The following ZNF500 variants were observed in gnomAD, a reference collection of about 807,000 sequenced individuals.
ZNF500 encodes the protein zinc finger protein 500, also known as zinc finger protein with KRAB and SCAN domains 18.
ZNF500 carries 31 observed loss-of-function variants against 30.1 expected under a neutral mutation model. That is an observed-to-expected ratio of 1.03 (90% CI 0.77 to 1.39). The LOEUF is 1.39. Among genes scored for constraint, ZNF500 ranks in the 40% most tolerant of loss-of-function variants. The probability of loss-of-function intolerance (pLI) is 0.00; values close to 1 mark genes in which losing one functional copy is unlikely to be tolerated. For missense variants in ZNF500, 817 were observed against 657.8 expected (o/e 1.24, Z -2.65); for synonymous variants, 392 against 282.0 (o/e 1.39, Z -3.91).
chr16:4,746,210 T>G (rs1416794403), downstream of ZNF500: 2 of 687,304 alleles, frequency 2.9e-6, no homozygotes, highest in East Asian at 2.8e-5. Flanking sequence ...AAATCTCGCA[T>G]GCTGTTCTGA....
At chr16:4,761,449 AAAAAC>A (rs1051604073) in intron 4 of ZNF500, among the ~76,000 whole-genome samples, 3 of 149,754 alleles carry the variant, frequency 2.0e-5, no homozygotes, top group East Asian at 3.9e-4. Flanking sequence ...TCAAAAAAAC[AAAAAC>A]AAAACAAAAC....
At chr16:4,765,368 T>A (rs916313336) in intron 2 of ZNF500, among the ~76,000 whole-genome samples, 197 bp downstream of exon 2, 1 of 152,036 alleles carries the variant, frequency 6.6e-6, no homozygotes, top group Non-Finnish European at 1.5e-5. Flanking sequence ...TAAAGGGCTA[T>A]TGGGGTAGGA....
downstream of ZNF500, chr16:4,744,980 C>G: frequency 1.2e-6 from 2 of 1,613,918 alleles, no homozygotes; most frequent in Non-Finnish European, 1.7e-6. Context: ...CGACACTCCC[C>G]AGGACACCAA....
At chr16:4,756,910 G>C (rs866609896) in intron 5 of ZNF500, among the ~76,000 whole-genome samples, 1 of 152,016 alleles carries the variant, frequency 6.6e-6, no homozygotes, top group Non-Finnish European at 1.5e-5. Flanking sequence ...TGAGCCTGGG[G>C]AGGTTGAAGC....
At chr16:4,765,522 G>T in intron 2 of ZNF500, 43 bp downstream of exon 2, 1 of 1,540,586 alleles carries the variant, frequency 6.5e-7, no homozygotes, top group Non-Finnish European at 8.7e-7. Context: ...CCCAGCAGCA[G>T]GGCCCCATTT....
intron 5 of ZNF500, among the ~76,000 whole-genome samples, chr16:4,755,948 C>A (rs527508426): frequency 6.6e-6 from 1 of 152,314 alleles, no homozygotes; most frequent in Admixed American, 6.5e-5. Flanking sequence ...AGAAGCCAGT[C>A]ACCAAGGGAC....
chr16:4,745,033 G>A (rs1012954123), downstream of ZNF500: 14 of 1,608,206 alleles, frequency 8.7e-6, no homozygotes, highest in Admixed American at 1.7e-5. Flanking sequence ...AGCCAGGCCC[G>A]GCTCCTGTGG....
At chr16:4,746,867 A>G (rs2082023543), downstream of ZNF500, 16 of 1,435,788 alleles carry the variant, frequency 1.1e-5, no homozygotes, top group Non-Finnish European at 1.5e-5. Flanking sequence ...TCAAGCCCCA[A>G]CAAGAGTTGG....
chr16:4,751,063 C>G lies in ZNF500; in HGVS notation c.*1313G>C, dbSNP rs1375456190. 1.3e-5 allele frequency: 2 copies of G among 155,308 alleles called. No homozygotes were observed. The highest frequency in any genetic ancestry group is 4.8e-5 in the African/African-American group (2 of 41,466). The allele number at this position is 155,308 out of a possible 1,614,324, so 9.6% of individuals were successfully genotyped here. A position where few individuals can be genotyped will look rare whatever the true frequency, so the allele number is the denominator to read the frequency against. On this transcript the variant is annotated 3_prime_UTR_variant, in exon 6 of 6. Transcript: ENST00000219478. ...CTAGGTGACAAATGCAATGGAGCAT[C>G]CCAGGCTGGGATGAAGGCCAAGGCC...
downstream of ZNF500, among the ~76,000 whole-genome samples, chr16:4,745,441 C>T (rs563932564): frequency 6.6e-6 from 1 of 152,306 alleles, no homozygotes; most frequent in Admixed American, 6.5e-5. Context: ...AGGGCAACAG[C>T]CACCTGTCCT....
chr16:4,763,121 G>A (rs1396888919), intron 2 of ZNF500: 1 of 985,320 alleles, frequency 1.0e-6, no homozygotes, highest in Non-Finnish European at 1.2e-6. Context: ...TATCTGGCCA[G>A]CTGCAATGGC....
At chr16:4,747,452 G>A (rs971576231), downstream of ZNF500, 2 of 1,613,070 alleles carry the variant, frequency 1.2e-6, no homozygotes, top group Admixed American at 1.7e-5. Context: ...GAGGGCTCAG[G>A]CCCCTGAAGA....
Position 4,751,462 on chromosome 16 carries a change from G to A in ZNF500, c.*914C>T. 9.7e-7 allele frequency: 1 copy of A among 1,033,620 alleles called. No homozygotes were observed. Among genetic ancestry groups the A allele is most frequent in the South Asian group, 1.7e-5 (1 of 59,218 alleles). The allele number at this position is 1,033,620 out of a possible 1,614,324, so 64.0% of individuals were successfully genotyped here. A position where few individuals can be genotyped will look rare whatever the true frequency, so the allele number is the denominator to read the frequency against. On this transcript the variant is annotated 3_prime_UTR_variant, in exon 6 of 6. Coordinates refer to ENST00000219478, the MANE Select transcript of ZNF500 (RefSeq NM_021646.4). ...ACTCAGGGGTGCTTTCCCGCCCCAG[G>A]TGTCTTCCGCCCTGCAGAGCAGCTA...
chr16:4,763,900 C>T, intron 2 of ZNF500: 1 of 985,438 alleles, frequency 1.0e-6, no homozygotes, highest in African/African-American at 1.7e-5. Flanking sequence ...AGTGTGCAGC[C>T]AGCAGCACTG....
At chr16:4,761,971 G>C (rs2082206703) in intron 4 of ZNF500, among the ~76,000 whole-genome samples, 1 of 152,174 alleles carries the variant, frequency 6.6e-6, no homozygotes. Flanking sequence ...TTCCCCCAGA[G>C]TCCCAAGAGA....
intron 5 of ZNF500, among the ~76,000 whole-genome samples, chr16:4,755,358 C>G (rs1305633451): frequency 2.6e-5 from 4 of 152,058 alleles, no homozygotes; most frequent in African/African-American, 9.7e-5. Flanking sequence ...GCTCTGTCTT[C>G]CAGGCTGGAG....
At position 4,753,205 on chromosome 16, in the gene ZNF500, AAT is replaced by A. The variant is rs1023894738; in HGVS notation, c.761-149_761-148del. 3 of 1,391,286 alleles carry A rather than the reference AAT, an allele frequency of 2.2e-6. No homozygotes were observed. The Admixed American group carries it at 9.2e-5, about 43-fold the overall frequency. The allele number at this position is 1,391,286 out of a possible 1,614,324, so 86.2% of individuals were successfully genotyped here. ...GCTGGGCACTGTGGCTCACGCCTAT[AAT>A]CCCAGCACTTTGGAAGGCTGAAGTG... On this transcript the variant is annotated intron_variant, in intron 5 of 5. Coordinates refer to ENST00000219478, the MANE Select transcript of ZNF500 (RefSeq NM_021646.4).
At chr16:4,753,103 G>T in intron 5 of ZNF500, 45 bp from the exon 6 acceptor site, 1 of 1,497,230 alleles carries the variant, frequency 6.7e-7, no homozygotes, top group Non-Finnish European at 8.8e-7. Flanking sequence ...CAGCAAGAGG[G>T]CAAGGGAAAT....
rs778038013 is a variant in ZNF500, at chr16:4,752,778, G to A, written c.1041C>T (p.His347=). ...TSHLTKHQRT[H]TGERPYKCLV... ...GGCACTTGTAAGGCCGCTCGCCCGT[G>A]TGTGTGCGCTGGTGCTTGGTCAAGT... Residue 347 remains histidine (H), a synonymous_variant, in exon 6 of 6, where the codon CAC becomes CAT. Transcript: ENST00000219478. 51 of 1,614,138 alleles carry A rather than the reference G, an allele frequency of 3.2e-5. No homozygotes were observed. Among genetic ancestry groups the A allele is most frequent in the Non-Finnish European group, 4.2e-5 (50 of 1,180,052 alleles).
Sources: allele counts gnomAD v4.1 joint callset (sites outside exome capture counted in the v4.1 genomes callset), GRCh38; gene constraint gnomAD v4.1.1; transcripts MANE v1.5; gene names NCBI Gene and HGNC (gene_info 2026-07-23, HGNC 2026-07-21).